The following RPS6KC1 variants were observed in gnomAD, a reference collection of about 807,000 sequenced individuals.
RPS6KC1 encodes inactive ribosomal protein S6 kinase delta-1.
A neutral mutation model predicts 103.8 loss-of-function variants in RPS6KC1; 54 were observed. The observed-to-expected ratio is 0.52, with a 90% CI of 0.42 to 0.65. RPS6KC1 has a LOEUF of 0.65. Ranked by LOEUF, RPS6KC1 falls within the 30% of genes least tolerant of loss-of-function variation. The pLI, the probability that RPS6KC1 is intolerant of heterozygous loss-of-function variation, is 0.00. For missense variants in RPS6KC1, 1,151 were observed against 1,253.8 expected (o/e 0.92, Z 1.24); for synonymous variants, 439 against 438.7 (o/e 1.00, Z -0.01).
intron 4 of RPS6KC1, among the ~76,000 whole-genome samples, chr1:213,104,787 G>C (rs2082322313): frequency 6.9e-6 from 1 of 144,850 alleles, no homozygotes; most frequent in Admixed American, 7.0e-5. Flanking sequence ...CTGTTGCTTA[G>C]ACTGTTGTTC....
At chr1:213,662,142 GAATA>G in the RPS6KC1 span, among the ~76,000 whole-genome samples, 22 of 151,882 alleles carry the variant, frequency 1.4e-4, no homozygotes, top group African/African-American at 5.1e-4. Flanking sequence ...CACTTTAAAG[GAATA>G]AATAGTTTCA....
At chr1:213,554,021 T>C in the RPS6KC1 span, among the ~76,000 whole-genome samples, 1 of 152,088 alleles carries the variant, frequency 6.6e-6, no homozygotes, top group Non-Finnish European at 1.5e-5. Flanking sequence ...TTGCAAAAGC[T>C]CTTTAATTAG....
chr1:213,249,408 A>G (rs1315458184), intron 12 of RPS6KC1, among the ~76,000 whole-genome samples: 1 of 152,208 alleles, frequency 6.6e-6, no homozygotes, highest in East Asian at 1.9e-4. Context: ...CTTCGAATAA[A>G]TGTTTAAAAA....
chr1:213,705,494 G>T, the RPS6KC1 span, among the ~76,000 whole-genome samples: 2 of 152,190 alleles, frequency 1.3e-5, no homozygotes, highest in African/African-American at 4.8e-5. Flanking sequence ...AATGCTGCCT[G>T]GGCCTGGGAC....
At chr1:213,429,882 C>T in the RPS6KC1 span, among the ~76,000 whole-genome samples, 1 of 152,350 alleles carries the variant, frequency 6.6e-6, no homozygotes, top group Non-Finnish European at 1.5e-5. Context: ...TCTTAGTTAA[C>T]ATCTCTGTTG....
chr1:213,179,250 A>T (rs2092099264), intron 8 of RPS6KC1, among the ~76,000 whole-genome samples: 2 of 151,950 alleles, frequency 1.3e-5, no homozygotes, highest in South Asian at 4.1e-4. Flanking sequence ...CCCCATCTCT[A>T]CTAGAAATAC....
chr1:213,300,148 T>G, the RPS6KC1 span, among the ~76,000 whole-genome samples: 16 of 152,206 alleles, frequency 1.1e-4, no homozygotes, highest in Non-Finnish European at 2.1e-4. Flanking sequence ...ATAGTTAATG[T>G]GAAATATAGT....
At chr1:213,773,396 ATATATATCTATAGATATATC>A in the RPS6KC1 span, among the ~76,000 whole-genome samples, 57 of 150,602 alleles carry the variant, frequency 3.8e-4, no homozygotes, top group Admixed American at 9.3e-4. Flanking sequence ...GAATGGTTAG[ATATATATCTATAGATATATC>A]TATATATCTA....
chr1:213,816,578 C>T, the RPS6KC1 span, among the ~76,000 whole-genome samples: 8 of 152,104 alleles, frequency 5.3e-5, no homozygotes, highest in Non-Finnish European at 1.2e-4. Context: ...GTACCTGGGC[C>T]GCTCGTGGGT....
At chr1:213,721,836 G>A in the RPS6KC1 span, among the ~76,000 whole-genome samples, 1 of 152,056 alleles carries the variant, frequency 6.6e-6, no homozygotes, top group Non-Finnish European at 1.5e-5. Context: ...CTCTTTTTAT[G>A]TCTCTCTCTA....
chr1:213,546,634 G>A, the RPS6KC1 span, among the ~76,000 whole-genome samples: 3 of 152,086 alleles, frequency 2.0e-5, no homozygotes, highest in Non-Finnish European at 4.4e-5. Context: ...TTTTGGCAGT[G>A]TGCCCAGCTG....
At chr1:213,562,453 G>T in the RPS6KC1 span, among the ~76,000 whole-genome samples, 1 of 126,698 alleles carries the variant, frequency 7.9e-6, no homozygotes, top group Non-Finnish European at 1.6e-5. Flanking sequence ...GCAGTGGTGC[G>T]ATCTCGGCTC....
the RPS6KC1 span, among the ~76,000 whole-genome samples, chr1:213,776,196 G>A: frequency 3.3e-5 from 5 of 152,094 alleles, no homozygotes; most frequent in African/African-American, 4.8e-5. Context: ...CCTGAATCAC[G>A]AGTGTTCTTA....
the RPS6KC1 span, among the ~76,000 whole-genome samples, chr1:213,410,563 T>A: frequency 6.6e-6 from 1 of 152,048 alleles, no homozygotes. Context: ...AAGGATTGAA[T>A]TTGGAGGCCA....
the RPS6KC1 span, among the ~76,000 whole-genome samples, chr1:213,803,095 G>GT: frequency 6.6e-6 from 1 of 152,106 alleles, no homozygotes; most frequent in African/African-American, 2.4e-5. Flanking sequence ...CAGAGTCTTA[G>GT]TAATTGCCCA....
At chr1:213,567,847 G>T in the RPS6KC1 span, among the ~76,000 whole-genome samples, 9 of 152,216 alleles carry the variant, frequency 5.9e-5, no homozygotes, top group Admixed American at 2.6e-4. Flanking sequence ...GTCTTGCAAG[G>T]CTAGAGAAAC....
At chr1:213,631,378 CAAAAAA>C in the RPS6KC1 span, among the ~76,000 whole-genome samples, 11 of 137,066 alleles carry the variant, frequency 8.0e-5, no homozygotes, top group African/African-American at 2.9e-4. Flanking sequence ...CTTTCTATGC[CAAAAAA>C]AAAAAAAAAT....
At chr1:213,735,814 G>T in the RPS6KC1 span, among the ~76,000 whole-genome samples, 1 of 152,190 alleles carries the variant, frequency 6.6e-6, no homozygotes. Flanking sequence ...ATGTGAGCTG[G>T]TCACTGCTGT....
intron 12 of RPS6KC1, among the ~76,000 whole-genome samples, chr1:213,249,793 T>A (rs1010655373): frequency 2.0e-5 from 3 of 152,224 alleles, no homozygotes; most frequent in African/African-American, 7.2e-5. Flanking sequence ...TGGTAGTTAC[T>A]CGTTTCTTAT....
Sources: allele counts gnomAD v4.1 joint callset (sites outside exome capture counted in the v4.1 genomes callset), GRCh38; gene constraint gnomAD v4.1.1; transcripts MANE v1.5; gene names NCBI Gene and HGNC (gene_info 2026-07-23, HGNC 2026-07-21).